ARHGEF26: variants seen among roughly 807,000 people sequenced by gnomAD.
The protein encoded by ARHGEF26 is Rho guanine nucleotide exchange factor (GEF) 26.
A neutral mutation model predicts 89.4 loss-of-function variants in ARHGEF26; 59 were observed. The observed-to-expected ratio is 0.66, with a 90% confidence interval of 0.54 to 0.82. ARHGEF26 has a LOEUF of 0.82. Ranked by LOEUF, ARHGEF26 falls within the 40% of genes least tolerant of loss-of-function variation. The pLI is 0.00. For synonymous variants in ARHGEF26, 500 were observed against 428.4 expected, an observed-to-expected ratio of 1.17 and a Z score of -2.06; for missense variants, 1,234 against 1,085.6, an observed-to-expected ratio of 1.14 and a Z score of -1.92.
chr3:154,160,759 C>T (rs1711605816), intron 6 of ARHGEF26, among the ~76,000 whole-genome samples: 1 of 152,060 alleles, frequency 6.6e-6, no homozygotes, highest in African/African-American at 2.4e-5. Flanking sequence ...AGAAAAAGAC[C>T]TATAAGTATG....
chr3:154,159,010 A>T (rs1451036228), intron 6 of ARHGEF26, among the ~76,000 whole-genome samples: 2 of 152,240 alleles, frequency 1.3e-5, no homozygotes, highest in African/African-American at 2.4e-5. Flanking sequence ...TGTCTTTTGT[A>T]GAAGACTGAA....
At chr3:154,174,714 C>A (rs758442623) in intron 6 of ARHGEF26, among the ~76,000 whole-genome samples, 7 of 151,780 alleles carry the variant, frequency 4.6e-5, no homozygotes, top group Non-Finnish European at 7.4e-5. Flanking sequence ...ATTAGAGCAC[C>A]TAAAGGATCA....
chr3:154,185,189 T>A (rs893504500), intron 6 of ARHGEF26, among the ~76,000 whole-genome samples: 8 of 152,080 alleles, frequency 5.3e-5, no homozygotes, highest in Non-Finnish European at 1.0e-4. Context: ...CAACCGACTC[T>A]CTAACCCTTG....
chr3:154,124,517 C>T (rs758810622), intron 3 of ARHGEF26, 68 bp downstream of exon 3: 133 of 1,347,340 alleles, frequency 9.9e-5, no homozygotes, highest in Non-Finnish European at 1.2e-4. Context: ...AGTTGAAATC[C>T]AACTGCAGTA....
In ARHGEF26 at chr3:154,152,908, C is replaced by T. The variant is rs779750030; in HGVS notation, c.1463C>T (p.Thr488Ile). 1.3e-6 allele frequency: 2 copies of T among 1,595,570 alleles called. No individual in the cohort carries two copies. Among genetic ancestry groups the T allele is most frequent in the South Asian group, 1.2e-5 (1 of 86,302 alleles). Residue 488 changes from threonine (T) to isoleucine (I), a missense_variant, in exon 6 of 15, where the codon ACA (threonine) becomes ATA (isoleucine). Thr to Ile is a moderately conservative substitution (Grantham distance 89). Transcript: ENST00000465093. ...AGGCACCATCTTTTCTCCAATATTA[C>T]AGATGTCTGTGAGGCAAGCAAAAAG... is the stretch of plus-strand genomic sequence containing the variant. ...TERHHLFSNI[T>I]DVCEASKKFF... is the part of the protein sequence containing the mutation.
chr3:154,130,147 A>ATTTATTT lies in ARHGEF26; in HGVS notation c.1269+431_1269+432insATTTTTT, dbSNP rs375479050. Among the ~76,000 whole-genome samples, 4 of 105,970 alleles carry ATTTATTT rather than the reference A, an allele frequency of 3.8e-5. No individual in the cohort carries two copies. In the Admixed American group the frequency reaches 3.9e-4, roughly 10 times the overall value. 69.5% of individuals were successfully genotyped at this position (105,970 alleles called of 152,430 possible). ...AGCTAGTTACAATTCTTCCTTGGAA[A>ATTTATTT]TTTTTTTTTTTTTTTTTGAGATGAG... On this transcript the variant is annotated intron_variant, in intron 4 of 14. Transcript: ENST00000465093.
At chr3:154,211,177 G>A (rs1385692647) in intron 9 of ARHGEF26, among the ~76,000 whole-genome samples, 1 of 152,014 alleles carries the variant, frequency 6.6e-6, no homozygotes, top group African/African-American at 2.4e-5. Context: ...TGTCATGTGA[G>A]CCCCCATTCC....
chr3:154,189,167 A>G (rs1313294613), intron 7 of ARHGEF26, among the ~76,000 whole-genome samples: 2 of 152,108 alleles, frequency 1.3e-5, no homozygotes, highest in Non-Finnish European at 1.5e-5. Context: ...AATTAGAGAT[A>G]AATTTGGGTT....
At chr3:154,203,779 CTGAT>C (rs1025413548) in intron 9 of ARHGEF26, among the ~76,000 whole-genome samples, 2 of 150,372 alleles carry the variant, frequency 1.3e-5, no homozygotes, top group African/African-American at 4.9e-5. Context: ...ATGTATTACA[CTGAT>C]TGGTTTGCCT....
intron 4 of ARHGEF26, among the ~76,000 whole-genome samples, chr3:154,133,443 A>G (rs1388147156): frequency 2.0e-5 from 3 of 151,860 alleles, no homozygotes; most frequent in Admixed American, 6.5e-5. Flanking sequence ...ACAGACTTCT[A>G]TATTAGGACT....
chr3:154,151,538 A>C (rs1199301170), intron 5 of ARHGEF26, among the ~76,000 whole-genome samples: 2 of 152,204 alleles, frequency 1.3e-5, no homozygotes, highest in Non-Finnish European at 2.9e-5. Flanking sequence ...TTTGGGGGTT[A>C]TTGTATTGAT....
In ARHGEF26 at chr3:154,171,786, T is replaced by A. The variant is rs1027690872; in HGVS notation, c.1488-15899T>A. On this transcript the variant is annotated intron_variant, in intron 6 of 14. Coordinates refer to ENST00000465093, the MANE Select transcript of ARHGEF26 (RefSeq NM_015595.4). ...CAAGCAATGGTGCTGAAAGAGATTA[T>A]TGGAGAAAGACTAGAGATAGAGAAG... 3.9e-5 allele frequency among the ~76,000 whole-genome samples: 6 copies of A among 152,146 alleles called. No individual in the cohort carries two copies. In the East Asian group the frequency reaches 5.8e-4, roughly 15 times the overall value.
chr3:154,153,948 G>A (rs553600100), intron 6 of ARHGEF26, among the ~76,000 whole-genome samples: 1 of 151,760 alleles, frequency 6.6e-6, no homozygotes, highest in Non-Finnish European at 1.5e-5. Flanking sequence ...GAAGAAATCC[G>A]GTCATTTGTT....
At chr3:154,125,952 C>T (rs1270953812) in intron 3 of ARHGEF26, among the ~76,000 whole-genome samples, 1 of 152,106 alleles carries the variant, frequency 6.6e-6, no homozygotes, top group Non-Finnish European at 1.5e-5. Context: ...TTAAGTGATA[C>T]TGAGAAAAAC....
At chr3:154,163,284 CCAAA>C (rs2108121721) in intron 6 of ARHGEF26, among the ~76,000 whole-genome samples, 1 of 152,204 alleles carries the variant, frequency 6.6e-6, no homozygotes, top group Admixed American at 6.5e-5. Flanking sequence ...GTCACAGCCC[CCAAA>C]ACCTATCAAC....
At chr3:154,157,829 T>C (rs1711499855) in intron 6 of ARHGEF26, among the ~76,000 whole-genome samples, 1 of 152,048 alleles carries the variant, frequency 6.6e-6, no homozygotes, top group Non-Finnish European at 1.5e-5. Flanking sequence ...TTTGAGTGCC[T>C]GGAACATGAG....
intron 12 of ARHGEF26, among the ~76,000 whole-genome samples, chr3:154,249,874 T>C (rs965600919): frequency 3.9e-5 from 6 of 152,270 alleles, no homozygotes; most frequent in Non-Finnish European, 4.4e-5. Flanking sequence ...CTGGAGAAAA[T>C]AGATGTCTGT....
intron 4 of ARHGEF26, among the ~76,000 whole-genome samples, chr3:154,141,127 G>A (rs150201901): frequency 0.023 from 3,497 of 151,858 alleles, 109 homozygotes; most frequent in African/African-American, 0.081. Flanking sequence ...TTGCCCGGCT[G>A]ATTTTTTTTT....
intron 11 of ARHGEF26, among the ~76,000 whole-genome samples, chr3:154,226,697 C>CA (rs1559912631): frequency 5.2e-4 from 62 of 119,886 alleles, no homozygotes; most frequent in African/African-American, 1.6e-3. Context: ...ACACACACAC[C>CA]CCTTCAGCTC....
Sources: allele counts gnomAD v4.1 joint callset (sites outside exome capture counted in the v4.1 genomes callset), GRCh38; gene constraint gnomAD v4.1.1; transcripts MANE v1.5; gene names NCBI Gene and HGNC (gene_info 2026-07-23, HGNC 2026-07-21).